Variants in PASD1 observed in about 807,000 individuals in gnomAD.
PASD1 encodes circadian clock protein PASD1.
In PASD1, 13 loss-of-function variants were observed where a neutral mutation model predicts 58.8. That is an observed-to-expected ratio of 0.22 (90% confidence interval 0.14 to 0.35). The LOEUF (loss-of-function observed/expected upper bound fraction) is 0.35, where lower values mean the gene tolerates loss of function less well. Ranked by LOEUF, PASD1 falls within the 10% of genes least tolerant of loss-of-function variation. The pLI is 1.00. For synonymous variants in PASD1, 236 were observed against 216.7 expected (o/e 1.09, Z -0.78); for missense variants, 734 against 568.3 (o/e 1.29, Z -2.96).
At chrX:151,589,719 T>C (rs1045069166) in intron 1 of PASD1, among the ~76,000 whole-genome samples, 7 of 112,112 alleles carry the variant, frequency 6.2e-5, no homozygotes, top group African/African-American at 2.3e-4. Context: ...GTCTCTTCAC[T>C]CTTCAACACT....
chrX:151,571,192 A>T (rs1185944591), intron 1 of PASD1, among the ~76,000 whole-genome samples: 2 of 112,286 alleles, frequency 1.8e-5, no homozygotes, highest in Non-Finnish European at 3.8e-5. Context: ...ATTACTTGGG[A>T]AGAACAGATT....
intron 4 of PASD1, among the ~76,000 whole-genome samples, chrX:151,615,298 C>CCA (rs1260977382): frequency 9.1e-6 from 1 of 110,194 alleles, no homozygotes; most frequent in South Asian, 3.9e-4. Flanking sequence ...ATTTGAGGTA[C>CCA]CACACACACA....
At chrX:151,631,474 TAGAG>T (rs1370284108) in intron 8 of PASD1, among the ~76,000 whole-genome samples, 3 of 112,009 alleles carry the variant, frequency 2.7e-5, no homozygotes, top group South Asian at 3.8e-4. Context: ...ACCTTAAACT[TAGAG>T]GGAGGAGAAT....
At chrX:151,596,474 A>G (rs1043025301) in intron 1 of PASD1, among the ~76,000 whole-genome samples, 2 of 112,282 alleles carry the variant, frequency 1.8e-5, no homozygotes, top group Non-Finnish European at 3.8e-5. Flanking sequence ...ACTAGGCTCC[A>G]CCTTCCAGCA....
intron 1 of PASD1, among the ~76,000 whole-genome samples, chrX:151,564,848 A>G (rs1186694591): frequency 8.9e-6 from 1 of 111,810 alleles, no homozygotes; most frequent in Non-Finnish European, 1.9e-5. Context: ...CCCAGCCTGA[A>G]CAACAGAGCA....
chrX:151,580,514 T>C lies in PASD1; in HGVS notation c.-28+16675T>C, dbSNP rs187371124. On this transcript the variant is annotated intron_variant, in intron 1 of 15. Transcript: ENST00000370357. ...TTACATCATTTCTTTTTTTCTTTTT[T>C]TTTTTTTTTTTTGGTGGAAGTAGTC... is the stretch of plus-strand genomic sequence containing the variant. Among the ~76,000 whole-genome samples, 346 of 107,345 alleles carry C rather than the reference T, an allele frequency of 3.2e-3. 2 individuals carry two copies. The highest frequency in any genetic ancestry group is 0.011 in the African/African-American group (328 of 29,578). The allele number at this position is 107,345 out of a possible 115,157, so 93.2% of individuals were successfully genotyped here.
intron 1 of PASD1, among the ~76,000 whole-genome samples, chrX:151,595,073 T>G (rs1457829225): frequency 8.9e-6 from 1 of 112,466 alleles, no homozygotes; most frequent in East Asian, 2.8e-4. Context: ...GATTTCTGTT[T>G]AAAATTGGTT....
At chrX:151,643,564 A>G (rs781419846) in intron 8 of PASD1, among the ~76,000 whole-genome samples, 1 of 111,922 alleles carries the variant, frequency 8.9e-6, no homozygotes, top group African/African-American at 3.2e-5. Context: ...ATATACACCT[A>G]CTATGTACAC....
chrX:151,575,772 GCCT>G (rs1412189737), intron 1 of PASD1, among the ~76,000 whole-genome samples: 1 of 110,972 alleles, frequency 9.0e-6, no homozygotes, highest in Non-Finnish European at 1.9e-5. Flanking sequence ...TTCCACCTCA[GCCT>G]CCTCAGTAGC....
rs1014483870 is a variant in PASD1, at chrX:151,563,771, A to G, written c.-96A>G. ...CACCAGGCTCCCGGGCTCTCACCGG[A>G]GACCACAGGGAGGAGCTTCAAGGTA... is the stretch of plus-strand genomic sequence containing the variant. On this transcript the variant is annotated 5_prime_UTR_variant, in exon 1 of 16. Transcript: ENST00000370357. The G allele has an allele frequency of 8.9e-6, 1 of 112,264 alleles. No homozygotes were observed. The highest frequency in any genetic ancestry group is 3.2e-5 in the African/African-American group (1 of 30,827). The allele number at this position is 112,264 out of a possible 1,213,427, so 9.3% of individuals were successfully genotyped here.
intron 3 of PASD1, 69 bp downstream of exon 3, chrX:151,604,803 T>C (rs2013466658): frequency 1.1e-6 from 1 of 869,787 alleles, no homozygotes; most frequent in South Asian, 2.3e-5. Context: ...AAGAATAGTG[T>C]TTGTCAAAGT....
chrX:151,570,424 G>T (rs1179896955), intron 1 of PASD1, among the ~76,000 whole-genome samples: 1 of 111,529 alleles, frequency 9.0e-6, no homozygotes, highest in African/African-American at 3.3e-5. Flanking sequence ...TGTAAATTTG[G>T]CACTCTTTAA....
At chrX:151,663,379 G>A (rs910456003) in intron 10 of PASD1, among the ~76,000 whole-genome samples, 8 of 112,011 alleles carry the variant, frequency 7.1e-5, no homozygotes, top group South Asian at 3.7e-4. Context: ...ATGAATCAAC[G>A]GTTCATTCCC....
intron 9 of PASD1, among the ~76,000 whole-genome samples, chrX:151,650,929 A>G (rs1411791235): frequency 2.7e-5 from 3 of 111,561 alleles, no homozygotes; most frequent in Non-Finnish European, 5.6e-5. Context: ...GTCCTAGAGA[A>G]GAGAGAGCTG....
At chrX:151,625,149 G>A (rs769668021) in intron 7 of PASD1, among the ~76,000 whole-genome samples, 17 of 111,938 alleles carry the variant, frequency 1.5e-4, no homozygotes, top group African/African-American at 5.2e-4. Context: ...CAAACAGGCG[G>A]GCTTTTGGAG....
At chrX:151,603,700 A>G (rs1290536976) in intron 2 of PASD1, among the ~76,000 whole-genome samples, 1 of 110,685 alleles carries the variant, frequency 9.0e-6, no homozygotes, top group Non-Finnish European at 1.9e-5. Flanking sequence ...CTCCTATTTC[A>G]CACCCAGTTA....
chrX:151,612,324 A>G (rs1177232245), intron 4 of PASD1, among the ~76,000 whole-genome samples: 5 of 106,482 alleles, frequency 4.7e-5, no homozygotes, highest in Non-Finnish European at 9.7e-5. Context: ...TCCTTTGGGT[A>G]TATACCCAGT....
At chrX:151,583,090 C>T (rs1487394130) in intron 1 of PASD1, among the ~76,000 whole-genome samples, 3 of 111,097 alleles carry the variant, frequency 2.7e-5, no homozygotes, top group African/African-American at 6.6e-5. Context: ...GGAAACAACA[C>T]GTGACACTTG....
At chrX:151,573,588 T>G (rs2012958199) in intron 1 of PASD1, among the ~76,000 whole-genome samples, 1 of 112,544 alleles carries the variant, frequency 8.9e-6, no homozygotes, top group African/African-American at 3.2e-5. Context: ...CAATGTGCTG[T>G]GGAGATGGAG....
Sources: gnomAD v4.1 joint callset for allele counts (sites outside exome capture counted in the v4.1 genomes callset) on GRCh38, gnomAD v4.1.1 for gene constraint, MANE v1.5 for transcripts, NCBI Gene and HGNC (gene_info 2026-07-23, HGNC 2026-07-21) for gene names.